Variants in SELENOO observed in about 807,000 individuals in gnomAD.
SELENOO encodes protein adenylyltransferase SelO, mitochondrial.
In SELENOO, 74 loss-of-function variants were observed where a neutral mutation model predicts 58.7. The observed-to-expected ratio is 1.26, with a 90% CI of 1.04 to 1.53. The LOEUF is 1.53. Among genes scored for constraint, SELENOO ranks in the 40% most tolerant of loss-of-function variants. The pLI is 0.00. For missense variants in SELENOO, 1,149 were observed against 970.0 expected, an observed-to-expected ratio of 1.18 and a Z score of -2.45; for synonymous variants, 543 against 453.2, an observed-to-expected ratio of 1.20 and a Z score of -2.52.
rs974090841 is a variant in SELENOO at position 50,206,437 on chromosome 22, G to A, written c.675G>A (p.Thr225=). ...RAGACVTSES[T]VVRDVFYDGN... ...GCGCCTGCGTCACGTCCGAGTCCAC[G>A]GTGGTGCGCGACGTGTTCTATGATG... The change falls in exon 2 of 9, where the codon ACG becomes ACA. Residue 225 remains threonine, a synonymous_variant. Coordinates refer to ENST00000380903, the MANE Select transcript of SELENOO (RefSeq NM_031454.2). 6.8e-6 allele frequency: 11 copies of A among 1,614,084 alleles called. No individual in the cohort carries two copies. Among genetic ancestry groups the A allele is most frequent in the East Asian group, 2.2e-5 (1 of 44,894 alleles).
chr22:50,215,814 G>A lies in SELENOO; in HGVS notation c.1449G>A (p.Gln483=), dbSNP rs1569105111. 1 of 1,612,848 alleles carries A rather than the reference G, an allele frequency of 6.2e-7. No individual in the cohort carries two copies. Among genetic ancestry groups the A allele is most frequent in the Non-Finnish European group, 8.5e-7 (1 of 1,179,352 alleles). ...AATTCCTGGCCAGGCTGATGGAGCAGTGTGCCTCCCTGGAGGAGCTGAGGC... is the reference window on the plus strand; with the variant it reads ...AATTCCTGGCCAGGCTGATGGAGCAATGTGCCTCCCTGGAGGAGCTGAGGC... The part of the protein sequence containing the change: ...LAEFLARLME[Q]CASLEELRLA... Residue 483 remains glutamine, a synonymous_variant, in exon 6 of 9, where the codon CAG becomes CAA. Coordinates refer to ENST00000380903, the MANE Select transcript of SELENOO (RefSeq NM_031454.2).
At chr22:50,204,487 C>T (rs902338540) in intron 1 of SELENOO, among the ~76,000 whole-genome samples, 1 of 152,030 alleles carries the variant, frequency 6.6e-6, no homozygotes, top group African/African-American at 2.4e-5. Flanking sequence ...ATTAGCCGGG[C>T]ATGGTGGAGC....
At chr22:50,215,628 A>AGGGG in intron 5 of SELENOO, 89 bp from the exon 6 acceptor site, 1 of 1,000,180 alleles carries the variant, frequency 1.0e-6, no homozygotes, top group Non-Finnish European at 1.3e-6. Flanking sequence ...CACCTGTGCC[A>AGGGG]GGGGGGTGGG....
In SELENOO at chr22:50,217,513, T is replaced by C; in HGVS notation, c.*144T>C. 2.6e-6 allele frequency: 3 copies of C among 1,142,664 alleles called. No homozygotes were observed. The highest frequency in any genetic ancestry group is 5.2e-5 in the East Asian group (2 of 38,646). The allele number at this position is 1,142,664 out of a possible 1,614,324, so 70.8% of individuals were successfully genotyped here. On this transcript the variant is annotated 3_prime_UTR_variant, in exon 9 of 9. Coordinates refer to ENST00000380903, the MANE Select transcript of SELENOO (RefSeq NM_031454.2). ...CCGTCTTTCCATGATGGCAGAGACA[T>C]CCAGTCAGGACCTGACCCGTCTCTG...
rs1451391529 is a variant in SELENOO, at chr22:50,205,935, A to G, written c.555-382A>G. ...GGAGCTCATTCCTCAGCTGGCCCGT[A>G]CCGGGGCACCCATCCTGGTGCAAAG... On this transcript the variant is annotated intron_variant, in intron 1 of 8. Transcript: ENST00000380903. The G allele has an allele frequency of 1.6e-5, 4 of 253,698 alleles. No homozygotes were observed. The Admixed American group carries it at 2.1e-4, about 13-fold the overall frequency. 15.7% of individuals were successfully genotyped at this position (253,698 alleles called of 1,614,324 possible). A position where few individuals can be genotyped will look rare whatever the true frequency, so the allele number is the denominator to read the frequency against.
chr22:50,207,533 C>T (rs1355938354), intron 2 of SELENOO, among the ~76,000 whole-genome samples: 1 of 150,116 alleles, frequency 6.7e-6, no homozygotes, highest in East Asian at 2.0e-4. Flanking sequence ...GCCCGGGACA[C>T]CAGCCGCCCA....
intron 4 of SELENOO, 24 bp from the exon 5 acceptor site, chr22:50,210,607 T>A: frequency 2.5e-6 from 4 of 1,612,680 alleles, no homozygotes; most frequent in Non-Finnish European, 3.4e-6. Context: ...AGGCAGGGCG[T>A]GGCTCTCTTG....
At position 50,217,272 on chromosome 22, in the gene SELENOO, AGGCCACGGAAGCCGACGG is replaced by A; in HGVS notation, c.1917_1934del (p.Thr640_Ala645del). On this transcript the variant is annotated inframe_deletion, in exon 9 of 9. Coordinates refer to ENST00000380903, the MANE Select transcript of SELENOO (RefSeq NM_031454.2). ...GAGGCGGGGGCCGCCACAGACGCCGAGGCCACGGAAGCCGACGGGGCGGACGGCAGGCAGCGCTCCTAC... is the reference window on the plus strand; with the variant it reads ...GAGGCGGGGGCCGCCACAGACGCCGAGGCGGACGGCAGGCAGCGCTCCTAC... 1 of 1,612,222 alleles carries A rather than the reference AGGCCACGGAAGCCGACGG, an allele frequency of 6.2e-7. No individual in the cohort carries two copies. The highest frequency in any genetic ancestry group is 8.5e-7 in the Non-Finnish European group (1 of 1,179,650).
chr22:50,210,141 A>G, intron 3 of SELENOO, 40 bp from the exon 4 acceptor site: 1 of 1,600,490 alleles, frequency 6.2e-7, no homozygotes, highest in Non-Finnish European at 8.5e-7. Flanking sequence ...AGGTCTGGGC[A>G]GGACCCCGAG....
Position 50,217,031 on chromosome 22 carries a change from ACGTGCG to A in SELENOO, c.1753_1758del (p.Arg585_Val586del). On this transcript the variant is annotated inframe_deletion, in exon 8 of 9. Transcript: ENST00000380903. ...GACGCTGCCGCCTGGCAGGCTGAGCACGTGCGCGTGATGCACGCCAACAACCCGAAG... is the reference window on the plus strand; with the variant it reads ...GACGCTGCCGCCTGGCAGGCTGAGCACGTGATGCACGCCAACAACCCGAAG... 1 of 1,612,250 alleles carries A rather than the reference ACGTGCG, an allele frequency of 6.2e-7. No homozygotes were observed. The highest frequency in any genetic ancestry group is 8.5e-7 in the Non-Finnish European group (1 of 1,179,932).
rs1250663863 is a variant in SELENOO, at chr22:50,201,221, C to A, written c.185C>A (p.Ala62Glu). ...NRALRALPVE[A>E]PPPGPEGAPS... ...GCCCTGCGCGCCCTGCCCGTGGAGG[C>A]GCCGCCGCCCGGTCCCGAGGGCGCC... Residue 62 changes from alanine (A) to glutamate (E), a missense_variant, in exon 1 of 9, where the codon GCG becomes GAG. Coordinates refer to ENST00000380903, the MANE Select transcript of SELENOO (RefSeq NM_031454.2). The A allele has an allele frequency of 3.4e-6, 4 of 1,160,188 alleles. No homozygotes were observed. In the East Asian group the frequency reaches 1.6e-4, roughly 46 times the overall value. 71.9% of individuals were successfully genotyped at this position (1,160,188 alleles called of 1,614,324 possible).
intron 5 of SELENOO, among the ~76,000 whole-genome samples, chr22:50,214,968 T>C (rs974537512): frequency 5.3e-5 from 8 of 152,244 alleles, no homozygotes; most frequent in African/African-American, 1.9e-4. Flanking sequence ...GTCCATTCGC[T>C]TTCAAAGCAG....
chr22:50,212,770 G>A (rs1385985761), intron 5 of SELENOO, among the ~76,000 whole-genome samples: 1 of 150,904 alleles, frequency 6.6e-6, no homozygotes, highest in Non-Finnish European at 1.5e-5. Context: ...CGCAGCGTGC[G>A]CCTGTTTCTT....
intron 1 of SELENOO, 145 bp downstream of exon 1, chr22:50,201,735 GC>G (rs944057617): frequency 7.8e-6 from 4 of 516,016 alleles, no homozygotes; most frequent in Non-Finnish European, 1.2e-5. Context: ...GCTGGCAGCC[GC>G]CCGCGCCCTG....
chr22:50,217,086 G>GC lies in SELENOO; in HGVS notation c.1804dup (p.Gln602ProfsTer54). ...AGTACGTGCTGAGGAACTACATCGC[G>GC]CAGAATGCCATCGAGGCTGCCGAGC... is the stretch of plus-strand genomic sequence containing the variant. On this transcript the variant is annotated frameshift_variant, in exon 8 of 9. Transcript: ENST00000380903. LOFTEE classifies it low-confidence loss of function (END_TRUNC). The GC allele has an allele frequency of 6.2e-7, 1 of 1,612,932 alleles. No homozygotes were observed. Among genetic ancestry groups the GC allele is most frequent in the Non-Finnish European group, 8.5e-7 (1 of 1,179,940 alleles).
chr22:50,212,900 T>C (rs1472629072), intron 5 of SELENOO, among the ~76,000 whole-genome samples: 1 of 152,248 alleles, frequency 6.6e-6, no homozygotes, highest in East Asian at 1.9e-4. Context: ...GTGTGCCTGT[T>C]TCTTCAGTCT....
At chr22:50,204,191 G>C (rs183202672) in intron 1 of SELENOO, among the ~76,000 whole-genome samples, 1 of 152,322 alleles carries the variant, frequency 6.6e-6, no homozygotes, top group Non-Finnish European at 1.5e-5. Context: ...AGGTTGACCT[G>C]GGCGTGGTGG....
chr22:50,202,889 G>A (rs1474061398), intron 1 of SELENOO, among the ~76,000 whole-genome samples: 1 of 152,286 alleles, frequency 6.6e-6, no homozygotes, highest in East Asian at 1.9e-4. Context: ...CTGTGAGAAG[G>A]AAGAGACTTG....
Position 50,210,199 on chromosome 22 carries a change from C to T in SELENOO, c.958C>T (p.Arg320Trp), listed in dbSNP as rs543629121. ...ACCCCAGGTGACGCGGCGCACGGCG[C>T]GGATGGTGGCCGAGTGGCAGTGTGT... ...FFREVTRRTA[R>W]MVAEWQCVGF... is the part of the protein sequence containing the mutation. The change falls in exon 4 of 9, where the codon CGG (arginine) becomes TGG (tryptophan). Residue 320 changes from arginine to tryptophan, a missense_variant. Physicochemically the swap from Arg to Trp is moderately radical, Grantham distance 101. Transcript: ENST00000380903. The T allele has an allele frequency of 2.9e-5, 46 of 1,613,384 alleles. No homozygotes were observed. The highest frequency in any genetic ancestry group is 3.3e-4 in the Middle Eastern group (2 of 6,056).
Sources: allele counts gnomAD v4.1 joint callset (sites outside exome capture counted in the v4.1 genomes callset), GRCh38; gene constraint gnomAD v4.1.1; transcripts MANE v1.5; gene names NCBI Gene and HGNC (gene_info 2026-07-23, HGNC 2026-07-21).